The following TCP11L1 variants were observed in gnomAD, a reference collection of about 807,000 sequenced individuals.
The protein encoded by TCP11L1 is T-complex protein 11-like protein 1.
In TCP11L1, 28 loss-of-function variants were observed where a neutral mutation model predicts 48.9. That is an observed-to-expected ratio of 0.57 (90% CI 0.42 to 0.78). The LOEUF (loss-of-function observed/expected upper bound fraction) is 0.78. Among genes scored for constraint, TCP11L1 ranks in the 30% least tolerant of loss-of-function variants. The pLI, the probability that TCP11L1 is intolerant of heterozygous loss-of-function variation, is 0.00. For synonymous variants in TCP11L1, 204 were observed against 231.9 expected, an observed-to-expected ratio of 0.88 and a Z score of 1.09; for missense variants, 505 against 613.4, an observed-to-expected ratio of 0.82 and a Z score of 1.87.
intron 3 of TCP11L1, among the ~76,000 whole-genome samples, chr11:33,056,184 A>G (rs562527832): frequency 6.6e-6 from 1 of 152,178 alleles, no homozygotes; most frequent in South Asian, 2.1e-4. Context: ...GTCTCAGCTC[A>G]CTGCAGCCTC....
chr11:33,064,028 C>A (rs1053913680), intron 7 of TCP11L1, among the ~76,000 whole-genome samples: 13 of 152,126 alleles, frequency 8.5e-5, no homozygotes, highest in African/African-American at 2.7e-4. Flanking sequence ...GCCTTAGATA[C>A]CCCTGCTTCT....
At chr11:33,068,584 A>C in intron 8 of TCP11L1, 103 bp from the exon 9 acceptor site, 1 of 1,421,682 alleles carries the variant, frequency 7.0e-7, no homozygotes, top group Non-Finnish European at 9.7e-7. Context: ...TTGAACACAC[A>C]AATCCAGTTA....
intron 4 of TCP11L1, 77 bp from the exon 5 acceptor site, chr11:33,057,842 T>C (rs11032131): frequency 0.036 from 45,981 of 1,261,346 alleles, 1,805 homozygotes; most frequent in African/African-American, 0.19. Flanking sequence ...AGCCCTTATT[T>C]GGATAGTTAT....
chr11:33,043,186 G>A (rs568893731), intron 1 of TCP11L1, among the ~76,000 whole-genome samples: 1 of 152,090 alleles, frequency 6.6e-6, no homozygotes, highest in Non-Finnish European at 1.5e-5. Flanking sequence ...AGTTAGCTGA[G>A]ATTGCCCCAT....
intron 1 of TCP11L1, among the ~76,000 whole-genome samples, chr11:33,042,452 T>C (rs1231813212): frequency 1.3e-5 from 2 of 150,278 alleles, no homozygotes; most frequent in African/African-American, 4.9e-5. Context: ...CAGGCAGACC[T>C]TTTATTAACT....
chr11:33,048,027 C>T (rs1035948874), intron 2 of TCP11L1, among the ~76,000 whole-genome samples: 1 of 152,146 alleles, frequency 6.6e-6, no homozygotes, highest in African/African-American at 2.4e-5. Context: ...AATCTGTCTG[C>T]CAGCCTCTCT....
chr11:33,068,221 C>A (rs1854675822), intron 8 of TCP11L1, among the ~76,000 whole-genome samples: 1 of 152,238 alleles, frequency 6.6e-6, no homozygotes, highest in Non-Finnish European at 1.5e-5. Flanking sequence ...CTGAGCCCGG[C>A]CTCTTTATTC....
chr11:33,068,458 G>A (rs1053391929), intron 8 of TCP11L1, among the ~76,000 whole-genome samples: 15 of 151,994 alleles, frequency 9.9e-5, no homozygotes, highest in Non-Finnish European at 2.1e-4. Context: ...GGTATACTCT[G>A]AGCCCCTGCC....
chr11:33,070,685 C>CAAAA (rs1182483117), intron 9 of TCP11L1, among the ~76,000 whole-genome samples: 5 of 71,560 alleles, frequency 7.0e-5, no homozygotes, highest in African/African-American at 2.3e-4. Flanking sequence ...AAGTCTGTCT[C>CAAAA]AAAAAAAAAA....
chr11:33,062,080 C>CA (rs1854484135), intron 7 of TCP11L1, among the ~76,000 whole-genome samples: 1 of 151,038 alleles, frequency 6.6e-6, no homozygotes, highest in African/African-American at 2.4e-5. Context: ...GACTCTGTCT[C>CA]AAAAAATAAA....
intron 8 of TCP11L1, 67 bp from the exon 9 acceptor site, chr11:33,068,620 G>A: frequency 1.3e-6 from 2 of 1,551,764 alleles, no homozygotes; most frequent in Non-Finnish European, 1.8e-6. Flanking sequence ...TCACCCGGGT[G>A]TGGGCGGTTG....
intron 1 of TCP11L1, among the ~76,000 whole-genome samples, chr11:33,042,065 C>A (rs946309075): frequency 1.3e-5 from 2 of 152,084 alleles, no homozygotes; most frequent in Admixed American, 6.5e-5. Flanking sequence ...CCAGAAACAC[C>A]CTAGGAAAAG....
At chr11:33,068,075 C>T (rs1254767700) in intron 8 of TCP11L1, among the ~76,000 whole-genome samples, 1 of 151,992 alleles carries the variant, frequency 6.6e-6, no homozygotes. Flanking sequence ...TATCACCATG[C>T]CCAGCTAATC....
chr11:33,057,562 G>A (rs1011278799), intron 4 of TCP11L1, among the ~76,000 whole-genome samples: 4 of 152,188 alleles, frequency 2.6e-5, no homozygotes, highest in African/African-American at 9.7e-5. Context: ...TTTAGGTGGA[G>A]GGACTGTTTT....
chr11:33,053,958 G>A (rs1265080435), intron 2 of TCP11L1, among the ~76,000 whole-genome samples: 2 of 152,088 alleles, frequency 1.3e-5, no homozygotes, highest in Admixed American at 6.6e-5. Context: ...TGGGACTACA[G>A]GCATGCACCA....
At position 33,058,990 on chromosome 11, in the gene TCP11L1, GTGGACATGGCCAACTT is replaced by G; in HGVS notation, c.673_688del (p.Asp225LeufsTer47). ...TTTTTCTGTGTTGGACCTAATGAAA[GTGGACATGGCCAACTT>G]TGCTATCAGTAGCATCAGGCCTCAT... is the stretch of plus-strand genomic sequence containing the variant. On this transcript the variant is annotated frameshift_variant, in exon 6 of 10. Transcript: ENST00000334274. LOFTEE classifies it high-confidence loss of function. The G allele has an allele frequency of 6.2e-7, 1 of 1,614,120 alleles. No homozygotes were observed. Among genetic ancestry groups the G allele is most frequent in the South Asian group, 1.1e-5 (1 of 91,066 alleles).
rs755551861 is a variant in TCP11L1, at chr11:33,043,882, C to A, written c.109C>A (p.Gln37Lys). ...DAVEGADEAL[Q>K]KAIKSDSSSP... ...TGTGGAAGGTGCTGATGAAGCCTTA[C>A]AAAAAGCAATAAAGTCAGACTCCTC... The change falls in exon 2 of 10, where the codon CAA becomes AAA. Residue 37 changes from glutamine to lysine, a missense_variant. Transcript: ENST00000334274. 7 of 1,613,440 alleles carry A rather than the reference C, an allele frequency of 4.3e-6. No individual in the cohort carries two copies. The highest frequency in any genetic ancestry group is 5.9e-6 in the Non-Finnish European group (7 of 1,179,774).
chr11:33,063,010 C>T (rs1482358797), intron 7 of TCP11L1, among the ~76,000 whole-genome samples: 1 of 152,074 alleles, frequency 6.6e-6, no homozygotes, highest in Non-Finnish European at 1.5e-5. Flanking sequence ...CAAGAGTGTA[C>T]CACCACCCCC....
chr11:33,042,708 G>A (rs1853873971), intron 1 of TCP11L1, among the ~76,000 whole-genome samples: 1 of 152,156 alleles, frequency 6.6e-6, no homozygotes, highest in Non-Finnish European at 1.5e-5. Context: ...CGAGGCAGGT[G>A]GATCACCTGA....
Sources: allele counts gnomAD v4.1 joint callset (sites outside exome capture counted in the v4.1 genomes callset), GRCh38; gene constraint gnomAD v4.1.1; transcripts MANE v1.5; gene names NCBI Gene and HGNC (gene_info 2026-07-23, HGNC 2026-07-21).